Variants in GAPVD1 observed in about 807,000 individuals in gnomAD.
GAPVD1 encodes GTPase-activating protein and VPS9 domain-containing protein 1.
A neutral mutation model predicts 155.5 loss-of-function variants in GAPVD1; 35 were observed. The ratio of observed to expected loss-of-function variants is 0.23; its 90% CI spans 0.17 to 0.30. GAPVD1 has a LOEUF of 0.30. Ranked by LOEUF, GAPVD1 falls within the 10% of genes least tolerant of loss-of-function variation. The probability of loss-of-function intolerance (pLI) is 1.00; values close to 1 mark genes in which losing one functional copy is unlikely to be tolerated. For missense variants in GAPVD1, 1,429 were observed against 1,775.7 expected, an observed-to-expected ratio of 0.80 and a Z score of 3.51; for synonymous variants, 636 against 619.7, an observed-to-expected ratio of 1.03 and a Z score of -0.39.
chr9:125,280,722 C>T (rs1436209950), intron 2 of GAPVD1, among the ~76,000 whole-genome samples: 1 of 151,812 alleles, frequency 6.6e-6, no homozygotes, highest in East Asian at 2.0e-4. Context: ...ATTACATGCG[C>T]CTGCCACCAC....
chr9:125,262,323 G>C (rs1349209535), intron 1 of GAPVD1, among the ~76,000 whole-genome samples: 2 of 152,172 alleles, frequency 1.3e-5, no homozygotes, highest in African/African-American at 4.8e-5. Flanking sequence ...GAACGAAATG[G>C]AATGTCTTCT....
intron 12 of GAPVD1, among the ~76,000 whole-genome samples, 194 bp from the exon 13 acceptor site, chr9:125,329,884 G>A (rs1202159399): frequency 6.6e-6 from 1 of 152,186 alleles, no homozygotes; most frequent in African/African-American, 2.4e-5. Context: ...GTTTCGCCAT[G>A]TTGGCCAGGC....
intron 25 of GAPVD1, among the ~76,000 whole-genome samples, chr9:125,357,984 A>ACAC (rs1179190834): frequency 6.6e-6 from 1 of 151,040 alleles, no homozygotes; most frequent in Admixed American, 6.6e-5. Context: ...TTAAAAAAAA[A>ACAC]AAACACACAC....
chr9:125,360,452 C>A, intron 26 of GAPVD1, 76 bp from the exon 27 acceptor site: 1 of 1,128,394 alleles, frequency 8.9e-7, no homozygotes, highest in Non-Finnish European at 1.3e-6. Flanking sequence ...TGCCTCCTGA[C>A]ACGGAGGTTG....
intron 13 of GAPVD1, 103 bp from the exon 14 acceptor site, chr9:125,331,823 T>C: frequency 9.8e-7 from 1 of 1,019,236 alleles, no homozygotes; most frequent in Non-Finnish European, 1.5e-6. Context: ...TTGCACTGAT[T>C]TTATTCATGC....
chr9:125,357,630 T>C (rs1850286561), intron 25 of GAPVD1, among the ~76,000 whole-genome samples: 1 of 151,726 alleles, frequency 6.6e-6, no homozygotes, highest in African/African-American at 2.4e-5. Flanking sequence ...TACCAGAAAA[T>C]GCTTGGAATT....
At chr9:125,318,902 G>A (rs1843849285) in intron 9 of GAPVD1, among the ~76,000 whole-genome samples, 1 of 151,930 alleles carries the variant, frequency 6.6e-6, no homozygotes, top group Admixed American at 6.6e-5. Context: ...TAGGCCAGGC[G>A]CAGTGGCTCA....
chr9:125,337,809 G>A (rs1847254035), intron 17 of GAPVD1, among the ~76,000 whole-genome samples: 1 of 152,148 alleles, frequency 6.6e-6, no homozygotes, highest in African/African-American at 2.4e-5. Flanking sequence ...GACACTTTTA[G>A]TTTCTCTAAG....
At chr9:125,343,717 G>A (rs1167270489) in intron 19 of GAPVD1, among the ~76,000 whole-genome samples, 2 of 152,182 alleles carry the variant, frequency 1.3e-5, no homozygotes, top group Admixed American at 6.5e-5. Context: ...TAAGTGTTGT[G>A]GGTATTAAGT....
chr9:125,270,275 A>G (rs1834681104), intron 2 of GAPVD1, among the ~76,000 whole-genome samples: 1 of 151,726 alleles, frequency 6.6e-6, no homozygotes, highest in African/African-American at 2.4e-5. Flanking sequence ...CTAAAAATAC[A>G]AAAATTAGCT....
At chr9:125,332,698 A>G (rs1846264446) in intron 15 of GAPVD1, 69 bp downstream of exon 15, 6 of 1,308,254 alleles carry the variant, frequency 4.6e-6, no homozygotes, top group Non-Finnish European at 6.5e-6. Flanking sequence ...ACTGTGACAC[A>G]TTGCTGGTGA....
chr9:125,307,339 G>C (rs936381143), intron 6 of GAPVD1, 74 bp from the exon 7 acceptor site: 22 of 989,162 alleles, frequency 2.2e-5, no homozygotes, highest in Admixed American at 2.8e-5. Context: ...TTTCATGCTT[G>C]TCCACCTTAA....
rs762005581 is a variant in GAPVD1, at chr9:125,330,075, C to T, written c.2033-3C>T. On this transcript the variant is annotated splice_region_variant and splice_polypyrimidine_tract_variant and intron_variant, in intron 12 of 27. Transcript: ENST00000297933. ...AACCCTTTGCTTCCCACTGGTTATA[C>T]AGGTGCTGCAGCAGAGAACATGTTA... The T allele has an allele frequency of 3.1e-6, 5 of 1,601,872 alleles. No homozygotes were observed. The South Asian group carries it at 5.6e-5, about 18-fold the overall frequency.
chr9:125,274,537 C>T (rs1454337426), intron 2 of GAPVD1, among the ~76,000 whole-genome samples: 1 of 148,890 alleles, frequency 6.7e-6, no homozygotes. Flanking sequence ...AATCTCGGCT[C>T]ACTGCAACCT....
chr9:125,312,530 A>C lies in GAPVD1; in HGVS notation c.1520A>C (p.Gln507Pro), dbSNP rs1842808972. 6.2e-7 allele frequency: 1 copy of C among 1,610,480 alleles called. No individual in the cohort carries two copies. Among genetic ancestry groups the C allele is most frequent in the Non-Finnish European group, 8.5e-7 (1 of 1,178,284 alleles). Residue 507 changes from glutamine (Q) to proline (P), a missense_variant, in exon 9 of 28, where the codon CAG becomes CCG. Physicochemically the swap from Gln to Pro is moderately conservative, Grantham distance 76. Around this residue, in one of 4 missense-constraint regions of GAPVD1, gnomAD observed 628 missense variants for 733.4 expected, o/e 0.86. Coordinates refer to ENST00000297933, the MANE Select transcript of GAPVD1 (RefSeq NM_001282680.3). ...DHEGSSQETIQEVQPEEVLVI... is the reference protein window; with the variant it reads ...DHEGSSQETIPEVQPEEVLVI... ...GAAGGATCATCTCAAGAAACCATTCAGGAGGTGCAACCAGAAGAGGTGTTG... is the reference window on the plus strand; with the variant it reads ...GAAGGATCATCTCAAGAAACCATTCCGGAGGTGCAACCAGAAGAGGTGTTG...
intron 19 of GAPVD1, 82 bp downstream of exon 19, chr9:125,342,381 T>C (rs374717201): frequency 2.7e-5 from 22 of 811,870 alleles, no homozygotes; most frequent in South Asian, 1.5e-4. Flanking sequence ...GCCATAAGCG[T>C]TGCCTTTCTA....
intron 8 of GAPVD1, among the ~76,000 whole-genome samples, chr9:125,310,862 G>C (rs965655497): frequency 6.9e-6 from 1 of 145,440 alleles, no homozygotes; most frequent in Admixed American, 7.0e-5. Context: ...TTTTTTAGAC[G>C]GAGTTTCGCT....
At chr9:125,279,285 G>A (rs575591704) in intron 2 of GAPVD1, among the ~76,000 whole-genome samples, 5 of 151,706 alleles carry the variant, frequency 3.3e-5, no homozygotes, top group African/African-American at 1.2e-4. Flanking sequence ...AATACTATGA[G>A]GAAGGCCGGC....
chr9:125,266,127 ATTTT>A (rs67315433), intron 1 of GAPVD1, among the ~76,000 whole-genome samples: 1 of 138,382 alleles, frequency 7.2e-6, no homozygotes. Context: ...GATATCTATA[ATTTT>A]TTTTTTTTTT....
Sources: allele counts gnomAD v4.1 joint callset (sites outside exome capture counted in the v4.1 genomes callset), GRCh38; gene constraint gnomAD v4.1.1; regional missense constraint gnomAD v4.1.1; transcripts MANE v1.5; gene names NCBI Gene and HGNC (gene_info 2026-07-23, HGNC 2026-07-21).